The following ATE1 variants were observed in gnomAD, a reference collection of about 807,000 sequenced individuals.
The protein encoded by ATE1 is arginyl-tRNA--protein transferase 1.
A neutral mutation model predicts 70.5 loss-of-function variants in ATE1; 36 were observed. That is an observed-to-expected ratio of 0.51 (90% CI 0.39 to 0.67). The LOEUF is 0.67. Among genes scored for constraint, ATE1 ranks in the 30% least tolerant of loss-of-function variants. The pLI, the probability that ATE1 is intolerant of heterozygous loss-of-function variation, is 0.00. For synonymous variants in ATE1, 232 were observed against 219.3 expected, an observed-to-expected ratio of 1.06 and a Z score of -0.51; for missense variants, 593 against 629.5, an observed-to-expected ratio of 0.94 and a Z score of 0.62.
intron 10 of ATE1, among the ~76,000 whole-genome samples, chr10:121,824,959 A>G (rs1434997016): frequency 6.6e-6 from 1 of 152,072 alleles, no homozygotes; most frequent in Non-Finnish European, 1.5e-5. Flanking sequence ...CAGTAAAAAA[A>G]AAAAGTGAAT....
chr10:121,911,929 A>G (rs1951453318), intron 4 of ATE1, among the ~76,000 whole-genome samples: 1 of 151,906 alleles, frequency 6.6e-6, no homozygotes, highest in African/African-American at 2.4e-5. Context: ...TGCATTTTTA[A>G]TACAGACGGG....
intron 10 of ATE1, among the ~76,000 whole-genome samples, chr10:121,822,301 G>C (rs550804611): frequency 1.3e-5 from 2 of 152,276 alleles, no homozygotes; most frequent in South Asian, 4.1e-4. Flanking sequence ...TACATTGAAT[G>C]CTTCTATTTA....
rs1221497757 is a variant in ATE1, at chr10:121,927,891, A to T, written c.59T>A (p.Phe20Tyr). Reference sequence around the variant, plus strand: ...GTTCTTGCAGTAGCCGCAGCGGTAGAAGTCCTCGCTAGGGAAATAGTCCAC... The same window carrying T: ...GTTCTTGCAGTAGCCGCAGCGGTAGTAGTCCTCGCTAGGGAAATAGTCCAC... ...SVVDYFPSED[F>Y]YRCGYCKNES... Residue 20 changes from phenylalanine (F) to tyrosine (Y), a missense_variant, in exon 1 of 12, where the codon TTC (phenylalanine) becomes TAC (tyrosine). Coordinates refer to ENST00000224652, the MANE Select transcript of ATE1 (RefSeq NM_001001976.3). 6.3e-7 allele frequency: 1 copy of T among 1,591,980 alleles called. No homozygotes were observed. The highest frequency in any genetic ancestry group is 1.4e-5 in the African/African-American group (1 of 72,386).
intron 10 of ATE1, among the ~76,000 whole-genome samples, chr10:121,831,351 A>G (rs1948227257): frequency 6.6e-6 from 1 of 152,222 alleles, no homozygotes; most frequent in East Asian, 1.9e-4. Context: ...TAAACTTATT[A>G]ATATTTATAT....
chr10:121,899,928 C>T lies in ATE1; in HGVS notation c.880G>A (p.Val294Ile), dbSNP rs766867330. 5 of 1,613,946 alleles carry T rather than the reference C, an allele frequency of 3.1e-6. No individual in the cohort carries two copies. Among genetic ancestry groups the T allele is most frequent in the Non-Finnish European group, 4.2e-6 (5 of 1,179,916 alleles). ...FKATLLESYQ[V>I]YKRYQMVIHK... ...ATAACCATCTGGTAACGTTTATAGA[C>T]CTGGTAAGACTCCAGAAGTGTGGCT... Residue 294 changes from valine (V) to isoleucine (I), a missense_variant, in exon 7 of 12, where the codon GTC becomes ATC. Val to Ile is a conservative substitution (Grantham distance 29). Around this residue, in one of 3 missense-constraint regions of ATE1, gnomAD observed 467 missense variants for 469.6 expected, o/e 0.99. Transcript: ENST00000224652.
chr10:121,926,069 C>T (rs955826580), intron 1 of ATE1, among the ~76,000 whole-genome samples: 2 of 151,542 alleles, frequency 1.3e-5, no homozygotes, highest in Non-Finnish European at 2.9e-5. Flanking sequence ...ATTAGCCGGC[C>T]GTGGTGGCGG....
chr10:121,839,710 T>A (rs1184439234), intron 9 of ATE1, among the ~76,000 whole-genome samples: 1 of 152,170 alleles, frequency 6.6e-6, no homozygotes, highest in African/African-American at 2.4e-5. Context: ...ATTACCTAAT[T>A]GTGGATTTGT....
chr10:121,760,918 T>C (rs1200432224), intron 11 of ATE1, among the ~76,000 whole-genome samples: 1 of 152,224 alleles, frequency 6.6e-6, no homozygotes, highest in Non-Finnish European at 1.5e-5. Context: ...CCAAACATCA[T>C]GTTGAAATTT....
In ATE1 at chr10:121,790,234, A is replaced by G. The variant is rs761057499; in HGVS notation, c.1313T>C (p.Ile438Thr). 15 of 1,613,988 alleles carry G rather than the reference A, an allele frequency of 9.3e-6. No homozygotes were observed. Among genetic ancestry groups the G allele is most frequent in the Middle Eastern group, 1.6e-4 (1 of 6,082 alleles). The change falls in exon 11 of 12, where the codon ATT becomes ACT. Residue 438 changes from isoleucine (I) to threonine (T), a missense_variant. Physicochemically the swap from Ile to Thr is moderately conservative, Grantham distance 89. Coordinates refer to ENST00000224652, the MANE Select transcript of ATE1 (RefSeq NM_001001976.3). ...TTCAAGTGAAGGCAGGCATTGCTCA[A>G]TGGGTACCCAAACATATGTCTCAGG... ...LCPETYVWVP[I>T]EQCLPSLENS...
intron 10 of ATE1, among the ~76,000 whole-genome samples, chr10:121,822,497 A>G (rs1164158944): frequency 6.6e-6 from 1 of 152,186 alleles, no homozygotes; most frequent in African/African-American, 2.4e-5. Context: ...CAAGCTGTAT[A>G]TGTAAGATTG....
intron 10 of ATE1, among the ~76,000 whole-genome samples, chr10:121,827,305 C>G (rs1237030334): frequency 6.6e-6 from 1 of 152,122 alleles, no homozygotes; most frequent in African/African-American, 2.4e-5. Context: ...AGCCACTGTG[C>G]CCAGCAAATT....
chr10:121,857,361 G>A (rs1300330163), intron 8 of ATE1, among the ~76,000 whole-genome samples: 1 of 152,174 alleles, frequency 6.6e-6, no homozygotes, highest in African/African-American at 2.4e-5. Flanking sequence ...GCAAGAACAT[G>A]TGGTTTTCTG....
At chr10:121,872,413 A>G (rs1210462932) in intron 7 of ATE1, among the ~76,000 whole-genome samples, 1 of 152,220 alleles carries the variant, frequency 6.6e-6, no homozygotes, top group Admixed American at 6.5e-5. Context: ...TAAAAACAGA[A>G]TAACAAATCA....
Position 121,922,370 on chromosome 10 carries a change from CAT to C in ATE1, c.210_211del (p.Cys71LeufsTer32). The stretch of plus-strand genomic sequence containing the variant: ...TTACCTTATTGTGTACTGAGGACAA[CAT>C]GTTTGATTCATGACAGGTTTGTACA... On this transcript the variant is annotated frameshift_variant, in exon 3 of 12. Transcript: ENST00000224652. LOFTEE classifies it high-confidence loss of function. 6.3e-7 allele frequency: 1 copy of C among 1,599,212 alleles called. No homozygotes were observed. Among genetic ancestry groups the C allele is most frequent in the Non-Finnish European group, 8.6e-7 (1 of 1,168,210 alleles).
chr10:121,837,394 C>A lies in ATE1; in HGVS notation c.1158-577G>T, dbSNP rs79545680. Among the ~76,000 whole-genome samples, 1,194 of 152,250 alleles carry A rather than the reference C, an allele frequency of 7.8e-3. 18 individuals carry two copies. The highest frequency in any genetic ancestry group is 0.028 in the African/African-American group (1,153 of 41,546). On this transcript the variant is annotated intron_variant, in intron 9 of 11. Transcript: ENST00000224652. ...GTTGGAATAAGCCAGGTAACTCAAA[C>A]GTAAGAAGTTGTCAGTCTCTCCACT... is the stretch of plus-strand genomic sequence containing the variant.
At chr10:121,873,287 C>T (rs1024103481) in intron 7 of ATE1, among the ~76,000 whole-genome samples, 2 of 151,812 alleles carry the variant, frequency 1.3e-5, no homozygotes, top group African/African-American at 2.4e-5. Context: ...ATTTAGAATC[C>T]AGGCATAAAA....
intron 11 of ATE1, among the ~76,000 whole-genome samples, chr10:121,783,637 C>T (rs1590286257): frequency 6.6e-6 from 1 of 151,796 alleles, no homozygotes; most frequent in Non-Finnish European, 1.5e-5. Flanking sequence ...CTGGTATGGG[C>T]TTTATTTTTA....
chr10:121,841,286 A>G (rs753341607), intron 8 of ATE1, 23 bp from the exon 9 acceptor site: 14 of 1,381,464 alleles, frequency 1.0e-5, no homozygotes, highest in South Asian at 2.1e-5. Flanking sequence ...AGAGGCACAA[A>G]CAGCCATTTT....
At chr10:121,817,116 T>C (rs1947573828) in intron 10 of ATE1, among the ~76,000 whole-genome samples, 2 of 152,234 alleles carry the variant, frequency 1.3e-5, no homozygotes, top group South Asian at 4.1e-4. Context: ...TGTCAAACAA[T>C]GCCACTTTAT....
Sources: allele counts gnomAD v4.1 joint callset (sites outside exome capture counted in the v4.1 genomes callset), GRCh38; gene constraint gnomAD v4.1.1; regional missense constraint gnomAD v4.1.1; transcripts MANE v1.5; gene names NCBI Gene and HGNC (gene_info 2026-07-23, HGNC 2026-07-21).